The following COL4A6 variants were observed in gnomAD, a reference collection of about 807,000 sequenced individuals.
COL4A6 encodes the protein collagen type IV alpha 6 chain, also known as collagen alpha-6(IV) chain.
In COL4A6, 59 loss-of-function variants were observed where a neutral mutation model predicts 126.7. The observed-to-expected ratio is 0.47, with a 90% CI of 0.38 to 0.58. COL4A6 has a LOEUF of 0.58. COL4A6 is among the 20% of genes least tolerant of loss of function. The pLI is 0.00. For missense variants in COL4A6, 1,285 were observed against 1,337.3 expected (o/e 0.96, Z 0.61); for synonymous variants, 547 against 496.6 (o/e 1.10, Z -1.35).
chrX:108,163,444 G>A (rs2034024892), intron 40 of COL4A6: 1 of 126,580 alleles, frequency 7.9e-6, no homozygotes, highest in East Asian at 2.3e-4. Flanking sequence ...GGTTCAGTTG[G>A]CATCCCAGCC....
intron 3 of COL4A6, among the ~76,000 whole-genome samples, chrX:108,247,551 C>T (rs1367185048): frequency 2.7e-5 from 3 of 109,449 alleles, no homozygotes; most frequent in Admixed American, 9.8e-5. Flanking sequence ...TCCCCCACCA[C>T]CCCCAACTTG....
intron 2 of COL4A6, among the ~76,000 whole-genome samples, chrX:108,408,515 T>A (rs1267913657): frequency 8.9e-6 from 1 of 111,879 alleles, no homozygotes; most frequent in Non-Finnish European, 1.9e-5. Context: ...GTGAATTTTA[T>A]TTTTCAATAC....
intron 15 of COL4A6, 145 bp from the exon 16 acceptor site, chrX:108,194,732 T>C (rs1005999986): frequency 6.3e-5 from 36 of 575,636 alleles, no homozygotes; most frequent in Non-Finnish European, 9.4e-5. Context: ...CTGGAAGCTG[T>C]AAAATCTTCC....
rs747418334 is a variant in COL4A6 at position 108,159,577 on chromosome X, C to T, written c.4697G>A (p.Arg1566His). The T allele has an allele frequency of 1.7e-5, 21 of 1,210,646 alleles. No individual in the cohort carries two copies. Among genetic ancestry groups the T allele is most frequent in the African/African-American group, 1.6e-4 (9 of 57,419 alleles). Reference sequence around the variant, plus strand: ...CGAGGGTGCCTCACACACAGAGCAGCGGCTGATGTACTGGGGAATCTGGGT... The same window carrying T: ...CGAGGGTGCCTCACACACAGAGCAGTGGCTGATGTACTGGGGAATCTGGGT... The part of the protein sequence containing the change: ...SQTQIPQYIS[R>H]CSVCEAPSQA... Residue 1566 changes from arginine (R) to histidine (H), a missense_variant, in exon 44 of 45, where the codon CGC becomes CAC. Coordinates refer to ENST00000334504, the MANE Select transcript of COL4A6 (RefSeq NM_033641.4).
chrX:108,191,458 A>G lies in COL4A6; in HGVS notation c.1256T>C (p.Ile419Thr), dbSNP rs142541937. The change falls in exon 19 of 45, where the codon ATT becomes ACT. Residue 419 changes from isoleucine (I) to threonine (T), a missense_variant. Transcript: ENST00000334504. ...GDQGNPGRTT[I>T]GAAGLPGRDG... ...TCTGCCAGGGAGGCCAGCTGCTCCA[A>G]TTGTGGTACGGCCTGGGTTTCCTTG... The G allele has an allele frequency of 4.1e-4, 490 of 1,209,594 alleles. 1 individual carries two copies. Among genetic ancestry groups the G allele is most frequent in the Non-Finnish European group, 4.8e-5 (43 of 895,008 alleles).
Position 108,381,359 on chromosome X carries a change from A to G in COL4A6, c.63+56583T>C, listed in dbSNP as rs2040554655. ...CCATATGGGAAAGCAGACCCAGTATAGCCAGATTCTAGCATACTGCTTTAA... is the reference window on the plus strand; with the variant it reads ...CCATATGGGAAAGCAGACCCAGTATGGCCAGATTCTAGCATACTGCTTTAA... On this transcript the variant is annotated intron_variant, in intron 2 of 44. Transcript: ENST00000334504. Among the ~76,000 whole-genome samples, 10 of 112,292 alleles carry G rather than the reference A, an allele frequency of 8.9e-5. No individual in the cohort carries two copies. The Admixed American group carries it at 9.5e-4, about 11-fold the overall frequency.
In COL4A6 at chrX:108,188,730, A is replaced by G; in HGVS notation, c.1427-53T>C. 8.7e-6 allele frequency: 9 copies of G among 1,033,743 alleles called. No individual in the cohort carries two copies. The South Asian group carries it at 1.9e-4, about 21-fold the overall frequency. 85.2% of individuals were successfully genotyped at this position (1,033,743 alleles called of 1,213,427 possible). On this transcript the variant is annotated intron_variant, in intron 20 of 44. Coordinates refer to ENST00000334504, the MANE Select transcript of COL4A6 (RefSeq NM_033641.4). ...AGTGGGTCATTTTTTTCCAAGAAGA[A>G]TAAAGAATTGATCATGGTTATTTGT... is the stretch of plus-strand genomic sequence containing the variant.
chrX:108,192,306 C>G (rs2035068562), intron 18 of COL4A6, among the ~76,000 whole-genome samples, 167 bp downstream of exon 18: 1 of 112,461 alleles, frequency 8.9e-6, no homozygotes, highest in Admixed American at 9.4e-5. Flanking sequence ...TCACTACCCC[C>G]ACATACGTTA....
At chrX:108,203,636 A>G (rs903988402) in intron 12 of COL4A6, among the ~76,000 whole-genome samples, 78 of 112,765 alleles carry the variant, frequency 6.9e-4, no homozygotes, top group African/African-American at 2.5e-3. Flanking sequence ...CTGAATCACA[A>G]AGCTTAAAGG....
chrX:108,428,591 G>C (rs181209180), intron 2 of COL4A6, among the ~76,000 whole-genome samples: 1 of 110,733 alleles, frequency 9.0e-6, no homozygotes, highest in Admixed American at 9.7e-5. Flanking sequence ...CTTAGTACTG[G>C]GGTGATGAAA....
chrX:108,288,484 T>C (rs377037398), intron 3 of COL4A6, among the ~76,000 whole-genome samples: 2 of 111,517 alleles, frequency 1.8e-5, no homozygotes, highest in East Asian at 5.6e-4. Flanking sequence ...GCCTAGGCAC[T>C]AGGCTAAGTT....
At chrX:108,383,796 A>G (rs757501170) in intron 2 of COL4A6, 18 of 509,588 alleles carry the variant, frequency 3.5e-5, no homozygotes, top group African/African-American at 2.3e-4. Flanking sequence ...GAAGTAATGG[A>G]AACTCAAAAC....
intron 2 of COL4A6, among the ~76,000 whole-genome samples, chrX:108,368,246 C>CG: frequency 1.9e-4 from 1 of 5,245 alleles, no homozygotes; most frequent in East Asian, 0.11. Context: ...ACCCATATAG[C>CG]AGTAAGTGAA....
At chrX:108,237,708 C>T (rs1287378318) in intron 3 of COL4A6, among the ~76,000 whole-genome samples, 3 of 111,606 alleles carry the variant, frequency 2.7e-5, no homozygotes. Flanking sequence ...CCATGTCCAG[C>T]TCCTCATTTT....
rs772446012 is a variant in COL4A6 at position 108,437,981 on chromosome X, G to C, written c.24C>G (p.Leu8=). 15 of 1,208,699 alleles carry C rather than the reference G, an allele frequency of 1.2e-5. No individual in the cohort carries two copies. The highest frequency in any genetic ancestry group is 2.3e-4 in the Middle Eastern group (1 of 4,370). ...CCTCGGTCAGGCACAACGTAACCAGGAGCAGCCACAACCTGAAATGGGAGG... is the reference window on the plus strand; with the variant it reads ...CCTCGGTCAGGCACAACGTAACCAGCAGCAGCCACAACCTGAAATGGGAGG... MHPGLWL[L]LVTLCLTEEL... Residue 8 remains leucine (L), a synonymous_variant, in exon 2 of 45, where the codon CTC becomes CTG. Transcript: ENST00000334504.
At chrX:108,344,734 T>A (rs2039668770) in intron 2 of COL4A6, among the ~76,000 whole-genome samples, 1 of 112,323 alleles carries the variant, frequency 8.9e-6, no homozygotes, top group Non-Finnish European at 1.9e-5. Context: ...GACAAATTTA[T>A]TTGCCACTAG....
At chrX:108,261,303 G>A (rs1056619907) in intron 3 of COL4A6, among the ~76,000 whole-genome samples, 2 of 111,812 alleles carry the variant, frequency 1.8e-5, no homozygotes, top group Non-Finnish European at 3.8e-5. Context: ...TTTCCTTATT[G>A]CAGAAAGTTC....
Position 108,170,004 on chromosome X carries a change from A to G in COL4A6, c.3506T>C (p.Phe1169Ser). Residue 1169 changes from phenylalanine (F) to serine (S), a missense_variant, in exon 36 of 45, where the codon TTT (phenylalanine) becomes TCT (serine). Transcript: ENST00000334504. ...CCCATTCAGTCCATGTAAACCAGGAAATCCAGGGAAGCCTGAGGGGAGAGA... is the reference window on the plus strand; with the variant it reads ...CCCATTCAGTCCATGTAAACCAGGAGATCCAGGGAAGCCTGAGGGGAGAGA... Reference protein sequence around the residue: ...GLIGPKGFPGFPGLHGLNGLP... With the variant: ...GLIGPKGFPGSPGLHGLNGLP... 6.7e-6 allele frequency: 8 copies of G among 1,187,342 alleles called. No individual in the cohort carries two copies. Among genetic ancestry groups the G allele is most frequent in the Non-Finnish European group, 9.1e-6 (8 of 881,339 alleles).
chrX:108,191,547 C>T lies in COL4A6; in HGVS notation c.1181-14G>A, dbSNP rs2035044850. On this transcript the variant is annotated splice_polypyrimidine_tract_variant and intron_variant, in intron 18 of 44. Transcript: ENST00000334504. Reference sequence around the variant, plus strand: ...CTCCTGGGACACCTGGAAGAATAAGCCCACACACAAATGCTCATTATATCA... The same window carrying T: ...CTCCTGGGACACCTGGAAGAATAAGTCCACACACAAATGCTCATTATATCA... 2 of 1,201,610 alleles carry T rather than the reference C, an allele frequency of 1.7e-6. No individual in the cohort carries two copies. The highest frequency in any genetic ancestry group is 3.5e-5 in the African/African-American group (2 of 56,756).
Sources: allele counts gnomAD v4.1 joint callset (sites outside exome capture counted in the v4.1 genomes callset), GRCh38; gene constraint gnomAD v4.1.1; transcripts MANE v1.5; gene names NCBI Gene and HGNC (gene_info 2026-07-23, HGNC 2026-07-21).